The following MAF variants were observed in gnomAD, a reference collection of about 807,000 sequenced individuals.
MAF encodes the protein transcription factor Maf.
A neutral mutation model predicts 22.0 loss-of-function variants in MAF; 10 were observed. That is an observed-to-expected ratio of 0.45 (90% CI 0.28 to 0.77). The LOEUF (loss-of-function observed/expected upper bound fraction) is 0.77. Ranked by LOEUF, MAF falls within the 30% of genes least tolerant of loss-of-function variation. MAF has a pLI of 0.12. For synonymous variants in MAF, 337 were observed against 255.8 expected, an observed-to-expected ratio of 1.32 and a Z score of -3.03; for missense variants, 544 against 548.4, an observed-to-expected ratio of 0.99 and a Z score of 0.08.
the MAF span, among the ~76,000 whole-genome samples, chr16:79,268,589 T>A: frequency 2.0e-5 from 3 of 152,244 alleles, no homozygotes; most frequent in South Asian, 6.2e-4. Context: ...ACAACAGACA[T>A]AGAGTTGTTT....
chr16:79,562,641 C>A, the MAF span, among the ~76,000 whole-genome samples: 2 of 152,170 alleles, frequency 1.3e-5, no homozygotes, highest in Non-Finnish European at 2.9e-5. Flanking sequence ...CTGTAGACCT[C>A]GGACTCCAGG....
At chr16:79,291,876 A>G in the MAF span, among the ~76,000 whole-genome samples, 1 of 150,472 alleles carries the variant, frequency 6.6e-6, no homozygotes, top group African/African-American at 2.5e-5. Context: ...GTGAAGGCTC[A>G]CCTTGCATAG....
the MAF span, among the ~76,000 whole-genome samples, chr16:79,523,321 A>G: frequency 5.3e-5 from 8 of 152,344 alleles, no homozygotes; most frequent in South Asian, 1.7e-3. Context: ...TTCTTCTCCC[A>G]CTGAAGGGAG....
the MAF span, chr16:79,212,106 C>G: frequency 1.3e-6 from 2 of 1,535,964 alleles, no homozygotes; most frequent in Non-Finnish European, 1.7e-6. Context: ...CAGCAATTCT[C>G]TTTCTTTTAC....
chr16:79,486,910 C>T, the MAF span, among the ~76,000 whole-genome samples: 1 of 152,088 alleles, frequency 6.6e-6, no homozygotes, highest in Non-Finnish European at 1.5e-5. Context: ...CCTCCACCTC[C>T]TACAAGGTGG....
At chr16:79,531,729 G>A in the MAF span, among the ~76,000 whole-genome samples, 1 of 152,168 alleles carries the variant, frequency 6.6e-6, no homozygotes, top group African/African-American at 2.4e-5. Context: ...ATGATGGGGA[G>A]TGGCTGTAAA....
chr16:79,293,499 T>A, the MAF span, among the ~76,000 whole-genome samples: 1 of 152,222 alleles, frequency 6.6e-6, no homozygotes, highest in Non-Finnish European at 1.5e-5. Flanking sequence ...TGCTTTTTCC[T>A]TACAAGAAAC....
At chr16:79,211,829 G>C in the MAF span, 6,686 of 1,612,770 alleles carry the variant, frequency 4.1e-3, 28 homozygotes, top group Middle Eastern at 0.01. Context: ...ACACACACCC[G>C]CCCTGTGTGT....
the MAF span, among the ~76,000 whole-genome samples, chr16:79,298,547 A>G: frequency 2.6e-5 from 4 of 152,218 alleles, no homozygotes; most frequent in Non-Finnish European, 5.9e-5. Flanking sequence ...AAGGGTGCCA[A>G]TCACGGGCCT....
At chr16:79,540,746 T>C in the MAF span, among the ~76,000 whole-genome samples, 1 of 152,114 alleles carries the variant, frequency 6.6e-6, no homozygotes, top group Non-Finnish European at 1.5e-5. Flanking sequence ...CAATTCAGTA[T>C]CCAAATATGA....
chr16:79,597,814 TA>T, intron 1 of MAF: 1 of 1,018,072 alleles, frequency 9.8e-7, no homozygotes, highest in South Asian at 4.7e-5. Context: ...TTTTTTTTAT[TA>T]ATATAATGTC....
At chr16:79,525,837 G>C in the MAF span, among the ~76,000 whole-genome samples, 1 of 152,130 alleles carries the variant, frequency 6.6e-6, no homozygotes, top group East Asian at 1.9e-4. Context: ...GTTTCATGAA[G>C]AGTGCAATGT....
the MAF span, among the ~76,000 whole-genome samples, chr16:79,482,368 C>T: frequency 1.1e-4 from 17 of 152,286 alleles, no homozygotes; most frequent in Non-Finnish European, 2.2e-4. Flanking sequence ...GGCTTACCAC[C>T]GCCTTCTGCC....
chr16:79,226,508 C>A, the MAF span, among the ~76,000 whole-genome samples: 1 of 151,848 alleles, frequency 6.6e-6, no homozygotes, highest in African/African-American at 2.4e-5. Flanking sequence ...CACATGTACC[C>A]CAGAACTTAA....
chr16:79,497,913 T>A, the MAF span, among the ~76,000 whole-genome samples: 7 of 152,154 alleles, frequency 4.6e-5, no homozygotes, highest in Non-Finnish European at 1.0e-4. Context: ...TCACCAGTCT[T>A]CTAGCATAAC....
At chr16:79,496,494 C>T in the MAF span, among the ~76,000 whole-genome samples, 93 of 152,306 alleles carry the variant, frequency 6.1e-4, no homozygotes, top group African/African-American at 2.2e-3. Context: ...GCATGACACT[C>T]CTCAGGTTCT....
chr16:79,250,118 C>G, the MAF span, among the ~76,000 whole-genome samples: 2 of 152,226 alleles, frequency 1.3e-5, no homozygotes, highest in Non-Finnish European at 2.9e-5. Flanking sequence ...ATTGTTCTCA[C>G]CTCTTTAGCC....
At chr16:79,315,263 G>A in the MAF span, among the ~76,000 whole-genome samples, 5 of 152,150 alleles carry the variant, frequency 3.3e-5, no homozygotes, top group East Asian at 5.8e-4. Context: ...AACATATCAG[G>A]GTGATAAGTG....
the MAF span, among the ~76,000 whole-genome samples, chr16:79,224,090 A>T: frequency 1.3e-5 from 2 of 152,344 alleles, no homozygotes; most frequent in Admixed American, 6.5e-5. Context: ...TCCCTGATGA[A>T]CATTGCTGCG....
Sources: gnomAD v4.1 joint callset for allele counts (sites outside exome capture counted in the v4.1 genomes callset) on GRCh38, gnomAD v4.1.1 for gene constraint, MANE v1.5 for transcripts, NCBI Gene and HGNC (gene_info 2026-07-23, HGNC 2026-07-21) for gene names.